Variants in XRCC2 observed in about 807,000 individuals in gnomAD.
The protein encoded by XRCC2 is X-ray repair cross complementing 2, also known as DNA repair protein XRCC2.
In XRCC2, 24 loss-of-function variants were observed where a neutral mutation model predicts 27.3. The ratio of observed to expected loss-of-function variants is 0.88; its 90% CI spans 0.64 to 1.24. The LOEUF (loss-of-function observed/expected upper bound fraction) is 1.24, where lower values mean the gene tolerates loss of function less well. Among genes scored for constraint, XRCC2 ranks in the 50% most tolerant of loss-of-function variants. The pLI is 0.00. For missense variants in XRCC2, 321 were observed against 325.8 expected (o/e 0.99, Z 0.11); for synonymous variants, 106 against 115.4 (o/e 0.92, Z 0.52).
At chr7:152,662,565 ATTTTTTTTTT>A (rs11323323) in intron 1 of XRCC2, among the ~76,000 whole-genome samples, 19 of 67,770 alleles carry the variant, frequency 2.8e-4, no homozygotes, top group African/African-American at 9.2e-4. Context: ...TTTTATTTGC[ATTTTTTTTTT>A]TTTTTTTTTT....
Position 152,647,898 on chromosome 7 carries a change from G to C in XRCC2, c.*744C>G, listed in dbSNP as rs547377710. 15 of 152,090 alleles carry C rather than the reference G, an allele frequency of 9.9e-5. No individual in the cohort carries two copies. The highest frequency in any genetic ancestry group is 1.8e-4 in the Non-Finnish European group (12 of 68,026). 9.4% of individuals were successfully genotyped at this position (152,090 alleles called of 1,614,324 possible). Reference sequence around the variant, plus strand: ...TCAATATTTCTTTAGATTTACTCAAGTACTTACCATTTACTCATTATTACT... The same window carrying C: ...TCAATATTTCTTTAGATTTACTCAACTACTTACCATTTACTCATTATTACT... On this transcript the variant is annotated 3_prime_UTR_variant, in exon 3 of 3. Transcript: ENST00000359321.
rs771119897 is a variant in XRCC2 at position 152,647,069 on chromosome 7, T to C, written c.*1573A>G. The stretch of plus-strand genomic sequence containing the variant: ...TTCTCCACAACCTCACCAGCATCTG[T>C]TATTTTCTGACATTTTTATAATAGC... On this transcript the variant is annotated 3_prime_UTR_variant, in exon 3 of 3. Coordinates refer to ENST00000359321, the MANE Select transcript of XRCC2 (RefSeq NM_005431.2). 17 of 152,206 alleles carry C rather than the reference T, an allele frequency of 1.1e-4. No homozygotes were observed. Among genetic ancestry groups the C allele is most frequent in the Non-Finnish European group, 2.2e-4 (15 of 68,038 alleles). The allele number at this position is 152,206 out of a possible 1,614,324, so 9.4% of individuals were successfully genotyped here. A position where few individuals can be genotyped will look rare whatever the true frequency, so the allele number is the denominator to read the frequency against.
At chr7:152,666,933 C>T (rs2098036010) in intron 1 of XRCC2, among the ~76,000 whole-genome samples, 1 of 152,084 alleles carries the variant, frequency 6.6e-6, no homozygotes, top group African/African-American at 2.4e-5. Flanking sequence ...GAGAGACTTT[C>T]ATGGACAAGA....
Position 152,648,497 on chromosome 7 carries a change from G to T in XRCC2, c.*145C>A. The T allele has an allele frequency of 1.2e-6, 1 of 834,146 alleles. No individual in the cohort carries two copies. Among genetic ancestry groups the T allele is most frequent in the Non-Finnish European group, 1.8e-6 (1 of 558,792 alleles). The allele number at this position is 834,146 out of a possible 1,614,324, so 51.7% of individuals were successfully genotyped here. On this transcript the variant is annotated 3_prime_UTR_variant, in exon 3 of 3. Transcript: ENST00000359321. ...GCACTCTAGGAGGCACACATAGGAG[G>T]ATCCCTTGAGGCCAGGAGTTCAAGG... is the stretch of plus-strand genomic sequence containing the variant.
intron 1 of XRCC2, among the ~76,000 whole-genome samples, chr7:152,669,840 G>C (rs1423785224): frequency 6.7e-6 from 1 of 149,102 alleles, no homozygotes; most frequent in Non-Finnish European, 1.5e-5. Flanking sequence ...GCTCATGCCT[G>C]TAATCCCAGC....
intron 1 of XRCC2, 30 bp downstream of exon 1, chr7:152,676,011 C>A (rs751787818): frequency 2.8e-5 from 45 of 1,613,324 alleles, no homozygotes; most frequent in Non-Finnish European, 3.7e-5. Context: ...TTGTTCCCAT[C>A]TCCCTCACTC....
intron 2 of XRCC2, among the ~76,000 whole-genome samples, chr7:152,653,325 T>C (rs191707406): frequency 1.2e-4 from 18 of 152,260 alleles, no homozygotes; most frequent in Admixed American, 1.2e-3. Flanking sequence ...CCTCTTTCTT[T>C]TGTAAATTGC....
intron 1 of XRCC2, among the ~76,000 whole-genome samples, chr7:152,662,332 T>A (rs933611818): frequency 6.6e-6 from 1 of 151,828 alleles, no homozygotes; most frequent in African/African-American, 2.4e-5. Context: ...GTTAAAACCA[T>A]ACGTGGAGAG....
chr7:152,660,647 A>C (rs3218473), intron 2 of XRCC2, 54 bp downstream of exon 2: 1 of 1,503,604 alleles, frequency 6.7e-7, no homozygotes, highest in Non-Finnish European at 9.1e-7. Flanking sequence ...AGCTTATGTG[A>C]AAAATCCTTT....
At chr7:152,657,913 T>C (rs1470042103) in intron 2 of XRCC2, among the ~76,000 whole-genome samples, 1 of 149,444 alleles carries the variant, frequency 6.7e-6, no homozygotes, top group Admixed American at 6.6e-5. Flanking sequence ...ACATAAGACA[T>C]ATATAAAAAA....
chr7:152,671,234 T>C (rs1185429114), intron 1 of XRCC2, among the ~76,000 whole-genome samples: 1 of 151,908 alleles, frequency 6.6e-6, no homozygotes, highest in Non-Finnish European at 1.5e-5. Context: ...AAATTAAAAT[T>C]AAAAAATGGA....
At chr7:152,667,220 C>T (rs1016760487) in intron 1 of XRCC2, among the ~76,000 whole-genome samples, 1 of 151,072 alleles carries the variant, frequency 6.6e-6, no homozygotes, top group African/African-American at 2.4e-5. Flanking sequence ...CCAGCCTGAC[C>T]AACATGGTGA....
At chr7:152,662,666 G>A (rs3218466) in intron 1 of XRCC2, among the ~76,000 whole-genome samples, 5,121 of 139,330 alleles carry the variant, frequency 0.037, 124 homozygotes, top group Middle Eastern at 0.067. Flanking sequence ...TCCGCCTCCC[G>A]GGTTCACGCC....
At chr7:152,653,914 A>C (rs1255151495) in intron 2 of XRCC2, among the ~76,000 whole-genome samples, 3 of 152,116 alleles carry the variant, frequency 2.0e-5, no homozygotes, top group African/African-American at 7.2e-5. Context: ...CAAGATGGTA[A>C]GCCGGGCGCG....
At chr7:152,652,031 C>T (rs1023917462) in intron 2 of XRCC2, among the ~76,000 whole-genome samples, 8 of 151,556 alleles carry the variant, frequency 5.3e-5, no homozygotes, top group African/African-American at 1.2e-4. Context: ...AATAGCCGGG[C>T]GTGGTAGCAT....
At position 152,676,089 on chromosome 7, in the gene XRCC2, G is replaced by T; in HGVS notation, c.-10C>A. On this transcript the variant is annotated 5_prime_UTR_variant, in exon 1 of 3. Transcript: ENST00000359321. ...GGAAGGCACTACACATCGCCCCGAA[G>T]GCTCGGCGCAGGAGAGACTCAACTT... 1 of 1,613,810 alleles carries T rather than the reference G, an allele frequency of 6.2e-7. No individual in the cohort carries two copies. Among genetic ancestry groups the T allele is most frequent in the Non-Finnish European group, 8.5e-7 (1 of 1,179,792 alleles).
rs577288938 is a variant in XRCC2, at chr7:152,647,168, C to G, written c.*1474G>C. 4 of 152,126 alleles carry G rather than the reference C, an allele frequency of 2.6e-5. No homozygotes were observed. Among genetic ancestry groups the G allele is most frequent in the Non-Finnish European group, 5.9e-5 (4 of 68,024 alleles). 9.4% of individuals were successfully genotyped at this position (152,126 alleles called of 1,614,324 possible). On this transcript the variant is annotated 3_prime_UTR_variant, in exon 3 of 3. Coordinates refer to ENST00000359321, the MANE Select transcript of XRCC2 (RefSeq NM_005431.2). ...TTCTCTAATGATCAGTGATGCTGGG[C>G]TTTTTTCCATAGGATTGTTGGCCAC...
intron 1 of XRCC2, among the ~76,000 whole-genome samples, chr7:152,674,683 A>AAATATATTTTAAAATATATATTTATAT (rs1563035194): frequency 1.5e-5 from 1 of 68,238 alleles, no homozygotes; most frequent in Non-Finnish European, 3.1e-5. Context: ...TCTATATTAT[A>AAATATATTTTAAAATATATATTTATAT]AATATATTTT....
At position 152,676,141 on chromosome 7, in the gene XRCC2, T is replaced by C. The variant is rs1268865141; in HGVS notation, c.-62A>G. On this transcript the variant is annotated 5_prime_UTR_variant, in exon 1 of 3. Transcript: ENST00000359321. Reference sequence around the variant, plus strand: ...CCCGCCACCAACGCCATTCACCAACTGCGCAGACTCTACGGCCAGTCAAAC... The same window carrying C: ...CCCGCCACCAACGCCATTCACCAACCGCGCAGACTCTACGGCCAGTCAAAC... 1.1e-5 allele frequency: 17 copies of C among 1,609,728 alleles called. No individual in the cohort carries two copies. In the East Asian group the frequency reaches 1.8e-4, roughly 17 times the overall value.
Sources: gnomAD v4.1 joint callset for allele counts (sites outside exome capture counted in the v4.1 genomes callset) on GRCh38, gnomAD v4.1.1 for gene constraint, MANE v1.5 for transcripts, NCBI Gene and HGNC (gene_info 2026-07-23, HGNC 2026-07-21) for gene names.